Variants in TNIP3 observed in about 807,000 individuals in gnomAD.
The protein encoded by TNIP3 is TNFAIP3 interacting protein 3, also known as TNFAIP3-interacting protein 3.
In TNIP3, 34 loss-of-function variants were observed where a neutral mutation model predicts 54.1. The observed-to-expected ratio is 0.63, with a 90% CI of 0.48 to 0.84. TNIP3 has a LOEUF of 0.84. TNIP3 is among the 40% of genes least tolerant of loss of function. The pLI is 0.00. For synonymous variants in TNIP3, 134 were observed against 136.8 expected, an observed-to-expected ratio of 0.98 and a Z score of 0.14; for missense variants, 366 against 387.6, an observed-to-expected ratio of 0.94 and a Z score of 0.47.
At chr4:121,195,526 T>C (rs1725531382) in intron 2 of TNIP3, among the ~76,000 whole-genome samples, 1 of 152,226 alleles carries the variant, frequency 6.6e-6, no homozygotes, top group Non-Finnish European at 1.5e-5. Context: ...ACTCTTTGTT[T>C]ATTATAACAT....
intron 1 of TNIP3, among the ~76,000 whole-genome samples, chr4:121,223,048 G>T (rs193091251): frequency 2.0e-3 from 311 of 152,110 alleles, no homozygotes; most frequent in African/African-American, 7.0e-3. Context: ...CTCGTGATCC[G>T]CCCGCCTCGG....
intron 10 of TNIP3, among the ~76,000 whole-genome samples, chr4:121,133,989 T>A (rs570706637): frequency 6.6e-6 from 1 of 152,124 alleles, no homozygotes; most frequent in South Asian, 2.1e-4. Context: ...ATATCTAACC[T>A]CCAGAGCTAT....
intron 1 of TNIP3, among the ~76,000 whole-genome samples, chr4:121,163,035 T>C (rs1214155119): frequency 7.0e-6 from 1 of 142,778 alleles, no homozygotes; most frequent in African/African-American, 2.6e-5. Flanking sequence ...CCTTGATTTT[T>C]CTTTAATAAA....
intron 2 of TNIP3, among the ~76,000 whole-genome samples, chr4:121,201,706 C>T (rs947355104): frequency 6.6e-6 from 1 of 152,154 alleles, no homozygotes; most frequent in African/African-American, 2.4e-5. Context: ...AATTACTTAG[C>T]TCATTCATTT....
intron 2 of TNIP3, among the ~76,000 whole-genome samples, chr4:121,189,473 AGTTTTT>A (rs1230635609): frequency 6.6e-6 from 1 of 152,190 alleles, no homozygotes; most frequent in Non-Finnish European, 1.5e-5. Context: ...TTCAGGTTTT[AGTTTTT>A]GTTATTATGA....
At chr4:121,178,497 T>C (rs929023203) in intron 3 of TNIP3, among the ~76,000 whole-genome samples, 2 of 152,210 alleles carry the variant, frequency 1.3e-5, no homozygotes, top group Non-Finnish European at 2.9e-5. Flanking sequence ...ATATTCCACA[T>C]TGAGCACACT....
At chr4:121,217,056 G>A (rs893157061), upstream of TNIP3, among the ~76,000 whole-genome samples, 3 of 152,000 alleles carry the variant, frequency 2.0e-5, no homozygotes, top group Non-Finnish European at 4.4e-5. Flanking sequence ...GACAGAATTT[G>A]TTTCTCATTT....
upstream of TNIP3, among the ~76,000 whole-genome samples, chr4:121,220,130 A>T (rs1323385951): frequency 6.6e-6 from 1 of 152,206 alleles, no homozygotes; most frequent in Non-Finnish European, 1.5e-5. Context: ...ACTTATATTA[A>T]TTTTTTAGAA....
intron 2 of TNIP3, among the ~76,000 whole-genome samples, chr4:121,199,389 C>G (rs542896648): frequency 3.9e-5 from 6 of 152,190 alleles, no homozygotes; most frequent in African/African-American, 1.2e-4. Flanking sequence ...GACATGAGGT[C>G]TATAAGAAAA....
intron 3 of TNIP3, chr4:121,182,666 G>A (rs1372179632): frequency 6.5e-7 from 1 of 1,533,802 alleles, no homozygotes; most frequent in South Asian, 1.2e-5. Flanking sequence ...GAAAAAAGGT[G>A]TTTTCTTACC....
intron 1 of TNIP3, 105 bp downstream of exon 1, chr4:121,163,955 A>C: frequency 7.5e-7 from 1 of 1,335,118 alleles, no homozygotes; most frequent in East Asian, 2.5e-5. Flanking sequence ...AGCTAAAGAA[A>C]GCAAACTAGC....
At chr4:121,143,056 A>C (rs1729216334) in intron 7 of TNIP3, among the ~76,000 whole-genome samples, 2 of 152,248 alleles carry the variant, frequency 1.3e-5, no homozygotes, top group African/African-American at 4.8e-5. Flanking sequence ...TCCATTGCTT[A>C]CTGAATGACA....
At chr4:121,151,676 G>T (rs1729768813) in intron 5 of TNIP3, among the ~76,000 whole-genome samples, 1 of 151,802 alleles carries the variant, frequency 6.6e-6, no homozygotes, top group Non-Finnish European at 1.5e-5. Context: ...GGAATATGCT[G>T]GTTCCTTATC....
chr4:121,149,771 CA>C (rs546501327), intron 6 of TNIP3, among the ~76,000 whole-genome samples: 18 of 152,032 alleles, frequency 1.2e-4, no homozygotes, highest in Non-Finnish European at 2.5e-4. Flanking sequence ...GTCTCAAAAA[CA>C]AAAACAAAAA....
intron 10 of TNIP3, among the ~76,000 whole-genome samples, chr4:121,135,293 G>T (rs1239229212): frequency 2.6e-5 from 4 of 152,176 alleles, no homozygotes; most frequent in East Asian, 3.8e-4. Flanking sequence ...CTTGCTCCAG[G>T]CCCCAGAAAT....
chr4:121,220,930 G>A (rs187588699), upstream of TNIP3, among the ~76,000 whole-genome samples: 721 of 152,216 alleles, frequency 4.7e-3, 1 homozygote, highest in Non-Finnish European at 7.5e-3. Flanking sequence ...GACATAAATT[G>A]GTGACAAGTG....
chr4:121,167,789 CA>C (rs1435725960), upstream of TNIP3, among the ~76,000 whole-genome samples: 2 of 152,046 alleles, frequency 1.3e-5, no homozygotes, highest in African/African-American at 2.4e-5. Context: ...TTTATTTTAA[CA>C]GCTTGTGACA....
At chr4:121,174,672 TG>T (rs1266940866) in intron 3 of TNIP3, among the ~76,000 whole-genome samples, 1 of 150,468 alleles carries the variant, frequency 6.6e-6, no homozygotes, top group Non-Finnish European at 1.5e-5. Flanking sequence ...TCTTCCTCAC[TG>T]GAAAAAAAAA....
chr4:121,163,750 G>A (rs1032107501), intron 1 of TNIP3, among the ~76,000 whole-genome samples: 5 of 151,992 alleles, frequency 3.3e-5, no homozygotes, highest in Non-Finnish European at 5.9e-5. Flanking sequence ...GTTACAATAT[G>A]TTCTATTTCT....
Sources: allele counts gnomAD v4.1 joint callset (sites outside exome capture counted in the v4.1 genomes callset), GRCh38; gene constraint gnomAD v4.1.1; transcripts MANE v1.5; gene names NCBI Gene and HGNC (gene_info 2026-07-23, HGNC 2026-07-21).